The following SLC30A5 variants were observed in gnomAD, a reference collection of about 807,000 sequenced individuals.
The protein encoded by SLC30A5 is proton-coupled zinc antiporter SLC30A5.
SLC30A5 carries 33 observed loss-of-function variants against 79.6 expected under a neutral mutation model. That is an observed-to-expected ratio of 0.41 (90% confidence interval 0.31 to 0.55). The LOEUF is 0.55. Among genes scored for constraint, SLC30A5 ranks in the 20% least tolerant of loss-of-function variants. SLC30A5 has a pLI of 0.20. For missense variants in SLC30A5, 788 were observed against 928.1 expected, an observed-to-expected ratio of 0.85 and a Z score of 1.96; for synonymous variants, 299 against 319.7, an observed-to-expected ratio of 0.94 and a Z score of 0.69.
At chr5:69,100,612 T>TAAAA (rs33982147) in intron 1 of SLC30A5, among the ~76,000 whole-genome samples, 195 bp from the exon 2 acceptor site, 1 of 134,478 alleles carries the variant, frequency 7.4e-6, no homozygotes, top group Non-Finnish European at 1.6e-5. Context: ...CTCTATGAGT[T>TAAAA]AAAAAAAAAA....
chr5:69,120,344 A>C (rs965699522), intron 12 of SLC30A5, among the ~76,000 whole-genome samples: 2 of 151,948 alleles, frequency 1.3e-5, no homozygotes, highest in African/African-American at 4.8e-5. Context: ...AGATCATGCC[A>C]CTGCACTCCA....
At chr5:69,105,471 G>A (rs1411090508) in intron 4 of SLC30A5, among the ~76,000 whole-genome samples, 1 of 152,162 alleles carries the variant, frequency 6.6e-6, no homozygotes, top group East Asian at 1.9e-4. Flanking sequence ...ACTTTGGGAG[G>A]CCAAGGGGTG....
At position 69,120,350 on chromosome 5, in the gene SLC30A5, C is replaced by T. The variant is rs145507004; in HGVS notation, c.1570-1344C>T. 4.7e-4 allele frequency among the ~76,000 whole-genome samples: 71 copies of T among 151,474 alleles called. No homozygotes were observed. The East Asian group carries it at 0.014, about 29-fold the overall frequency. ...AATAAGCCGAGATCATGCCACTGCACTCCAGCCTGGTTGACAGAGCAAAAC... is the reference window on the plus strand; with the variant it reads ...AATAAGCCGAGATCATGCCACTGCATTCCAGCCTGGTTGACAGAGCAAAAC... On this transcript the variant is annotated intron_variant, in intron 12 of 15. Coordinates refer to ENST00000396591, the MANE Select transcript of SLC30A5 (RefSeq NM_022902.5).
intron 14 of SLC30A5, among the ~76,000 whole-genome samples, chr5:69,123,943 C>G (rs534916338): frequency 6.6e-6 from 1 of 151,892 alleles, no homozygotes; most frequent in Non-Finnish European, 1.5e-5. Flanking sequence ...GAAACCCCGT[C>G]TCTACTAAAA....
intron 1 of SLC30A5, among the ~76,000 whole-genome samples, chr5:69,094,830 G>C (rs771778084): frequency 6.6e-6 from 1 of 151,862 alleles, no homozygotes; most frequent in Non-Finnish European, 1.5e-5. Flanking sequence ...GTCCAGCCCC[G>C]TTTTCTTTTT....
At chr5:69,109,249 A>T (rs949345863) in intron 5 of SLC30A5, among the ~76,000 whole-genome samples, 1 of 152,176 alleles carries the variant, frequency 6.6e-6, no homozygotes, top group South Asian at 2.1e-4. Context: ...GGATACCCCA[A>T]TTTACCTGAT....
intron 14 of SLC30A5, among the ~76,000 whole-genome samples, chr5:69,124,049 C>T (rs2111996903): frequency 7.1e-6 from 1 of 141,818 alleles, no homozygotes; most frequent in South Asian, 2.2e-4. Context: ...GGAGGCAGAG[C>T]TTGCAGTGAG....
In SLC30A5 at chr5:69,116,201, A is replaced by G. The variant is rs1252615725; in HGVS notation, c.1059A>G (p.Ile353Met). 6.3e-7 allele frequency: 1 copy of G among 1,579,992 alleles called. No homozygotes were observed. The highest frequency in any genetic ancestry group is 8.6e-7 in the Non-Finnish European group (1 of 1,166,982). The change falls in exon 9 of 16, where the codon ATA (isoleucine) becomes ATG (methionine). Residue 353 changes from isoleucine (I) to methionine (M), a missense_variant. Ile to Met is a conservative substitution (Grantham distance 10). Coordinates refer to ENST00000396591, the MANE Select transcript of SLC30A5 (RefSeq NM_022902.5). The surrounding 1 kb of genome is among the most constrained non-coding windows in gnomAD (Gnocchi z 4.0). ...CTGGAGGAGTGGTAGTGAGTGCTAT[A>G]TTCTTCATTTTGTGTAAGCATTCCC... ...VLSGGVVVSA[I>M]FFILSANILS...
At chr5:69,120,875 C>T (rs1746517135) in intron 12 of SLC30A5, among the ~76,000 whole-genome samples, 1 of 152,148 alleles carries the variant, frequency 6.6e-6, no homozygotes, top group Non-Finnish European at 1.5e-5. Flanking sequence ...AATTAACACC[C>T]TGAGCTACTA....
At chr5:69,122,175 C>T (rs1244213537) in intron 13 of SLC30A5, among the ~76,000 whole-genome samples, 4 of 152,046 alleles carry the variant, frequency 2.6e-5, no homozygotes, top group African/African-American at 7.2e-5. Context: ...GGCGGGAGTA[C>T]CACCTGAGGA....
In SLC30A5 at chr5:69,100,918, A is replaced by C. The variant is rs1177929373; in HGVS notation, c.195A>C (p.Ile65=). 1 of 1,514,088 alleles carries C rather than the reference A, an allele frequency of 6.6e-7. No homozygotes were observed. The highest frequency in any genetic ancestry group is 1.2e-5 in the South Asian group (1 of 84,216). 93.8% of individuals were successfully genotyped at this position (1,514,088 alleles called of 1,614,324 possible). A position where few individuals can be genotyped will look rare whatever the true frequency, so the allele number is the denominator to read the frequency against. ...TTCACATTGTTCAGTTCATTTTTAT[A>C]TTAAAACTTGGGTGAGTGTGGGGGG... ...KAVHIVQFIF[I]LKLGTAFFMV... The change falls in exon 2 of 16, where the codon ATA becomes ATC. Residue 65 remains isoleucine, a synonymous_variant. Coordinates refer to ENST00000396591, the MANE Select transcript of SLC30A5 (RefSeq NM_022902.5).
chr5:69,101,891 C>T (rs191177086), intron 2 of SLC30A5, among the ~76,000 whole-genome samples: 80 of 149,082 alleles, frequency 5.4e-4, no homozygotes, highest in Middle Eastern at 6.8e-3. Flanking sequence ...TGGGAGGCAG[C>T]GGTTGCAGTG....
At chr5:69,124,112 CAAAA>C (rs1235473113) in intron 14 of SLC30A5, among the ~76,000 whole-genome samples, 1 of 94,680 alleles carries the variant, frequency 1.1e-5, no homozygotes. Context: ...GACTCCACCT[CAAAA>C]AAAAAAAAAA....
chr5:69,123,565 T>A, intron 14 of SLC30A5, 140 bp downstream of exon 14: 1 of 648,320 alleles, frequency 1.5e-6, no homozygotes, highest in Non-Finnish European at 2.6e-6. Context: ...ATTTAAAATT[T>A]AATAAGTTGA....
intron 4 of SLC30A5, among the ~76,000 whole-genome samples, chr5:69,107,031 AC>A (rs1746098465): frequency 6.6e-6 from 1 of 151,890 alleles, no homozygotes; most frequent in Non-Finnish European, 1.5e-5. Flanking sequence ...CACCTGGCTA[AC>A]TTTTGTATCT....
chr5:69,112,418 C>T (rs1459850913), intron 5 of SLC30A5, among the ~76,000 whole-genome samples: 1 of 152,042 alleles, frequency 6.6e-6, no homozygotes, highest in Admixed American at 6.6e-5. Context: ...CCTTTTTCCT[C>T]AGCCTGAACA....
intron 4 of SLC30A5, 162 bp downstream of exon 4, chr5:69,104,878 T>G: frequency 1.8e-6 from 1 of 567,610 alleles, no homozygotes; most frequent in Non-Finnish European, 2.9e-6. Flanking sequence ...CTGTTTAGTT[T>G]CTGGACTAGT....
chr5:69,104,659 C>A lies in SLC30A5; in HGVS notation c.302C>A (p.Ala101Asp). The A allele has an allele frequency of 6.4e-7, 1 of 1,550,652 alleles. No homozygotes were observed. Among genetic ancestry groups the A allele is most frequent in the South Asian group, 1.2e-5 (1 of 82,218 alleles). Residue 101 changes from alanine (A) to aspartate (D), a missense_variant, in exon 4 of 16, where the codon GCT becomes GAT. By Grantham distance (126) the Ala-to-Asp change is moderately radical (BLOSUM62 -2). Coordinates refer to ENST00000396591, the MANE Select transcript of SLC30A5 (RefSeq NM_022902.5). Reference sequence around the variant, plus strand: ...ATCAAAATATTTAAACATGCAGTTGCTGGGTGTATTATTTCACTCTTGTGG... The same window carrying A: ...ATCAAAATATTTAAACATGCAGTTGATGGGTGTATTATTTCACTCTTGTGG... ...QWIKIFKHAV[A>D]GCIISLLWFF...
rs764797971 is a variant in SLC30A5 at position 69,129,629 on chromosome 5, A to T, written c.*12A>T. The T allele has an allele frequency of 4.4e-6, 7 of 1,596,780 alleles. No homozygotes were observed. The highest frequency in any genetic ancestry group is 6.0e-6 in the Non-Finnish European group (7 of 1,171,888). ...CTTACATCATGTGAGATAACTCAAG[A>T]ATTACCCCTGGAGAATAAACAATGA... On this transcript the variant is annotated 3_prime_UTR_variant, in exon 16 of 16. Transcript: ENST00000396591.
Sources: gnomAD v4.1 joint callset for allele counts (sites outside exome capture counted in the v4.1 genomes callset) on GRCh38, gnomAD v4.1.1 for gene constraint, Gnocchi (gnomAD v3.1) non-coding constraint, MANE v1.5 for transcripts, NCBI Gene and HGNC (gene_info 2026-07-23, HGNC 2026-07-21) for gene names.